WASHC4: variants seen among roughly 807,000 people sequenced by gnomAD.
WASHC4 encodes the protein WASH complex subunit 4.
A neutral mutation model predicts 166.6 loss-of-function variants in WASHC4; 86 were observed. That is an observed-to-expected ratio of 0.52 (90% CI 0.43 to 0.62). The LOEUF (loss-of-function observed/expected upper bound fraction) is 0.62, where lower values mean the gene tolerates loss of function less well. WASHC4 is among the 20% of genes least tolerant of loss of function. The pLI is 0.00. For missense variants in WASHC4, 1,262 were observed against 1,382.4 expected (o/e 0.91, Z 1.38); for synonymous variants, 446 against 451.6 (o/e 0.99, Z 0.16).
Position 105,168,222 on chromosome 12 carries a change from G to T in WASHC4, c.*1291G>T, listed in dbSNP as rs1884907477. 6.6e-6 allele frequency: 1 copy of T among 152,328 alleles called. No homozygotes were observed. The highest frequency in any genetic ancestry group is 1.5e-5 in the Non-Finnish European group (1 of 67,930). 9.4% of individuals were successfully genotyped at this position (152,328 alleles called of 1,614,324 possible). The stretch of plus-strand genomic sequence containing the variant: ...GCCCTGTTTGTACTTACTGGTTAGG[G>T]TCAGGGTAACTTGCCAGCCCAAGAT... On this transcript the variant is annotated 3_prime_UTR_variant, in exon 33 of 33. Coordinates refer to ENST00000332180, the MANE Select transcript of WASHC4 (RefSeq NM_015275.3).
intron 1 of WASHC4, among the ~76,000 whole-genome samples, chr12:105,109,051 G>T (rs1281038018): frequency 3.9e-5 from 6 of 152,126 alleles, no homozygotes; most frequent in Admixed American, 6.5e-5. Flanking sequence ...CAGGAGAATC[G>T]CTTGAACCCG....
chr12:105,151,145 C>CAAAA (rs34655671), intron 25 of WASHC4, among the ~76,000 whole-genome samples: 8 of 60,998 alleles, frequency 1.3e-4, no homozygotes, highest in South Asian at 9.1e-4. Flanking sequence ...GACTCTGTCT[C>CAAAA]AAAAAAAAAA....
intron 31 of WASHC4, 70 bp from the exon 32 acceptor site, chr12:105,164,571 G>A: frequency 9.5e-7 from 1 of 1,056,826 alleles, no homozygotes. Context: ...GCATAAAAAT[G>A]CATATATTTT....
rs1884671513 is a variant in WASHC4 at position 105,164,245 on chromosome 12, C to G, written c.3292C>G (p.Gln1098Glu). ...GCAACAGAATGTACAGTCAGCCAGT[C>G]AAGATGAAAAACTCTTACAAACCAT... ...AKQQNVQSAS[Q>E]DEKLLQTMNL... The change falls in exon 31 of 33, where the codon CAA becomes GAA. Residue 1098 changes from glutamine to glutamate, a missense_variant. Coordinates refer to ENST00000332180, the MANE Select transcript of WASHC4 (RefSeq NM_015275.3). 6.2e-7 allele frequency: 1 copy of G among 1,613,492 alleles called. No individual in the cohort carries two copies. The highest frequency in any genetic ancestry group is 8.5e-7 in the Non-Finnish European group (1 of 1,179,686).
rs768574664 is a variant in WASHC4 at position 105,160,129 on chromosome 12, A to T, written c.3041A>T (p.Tyr1014Phe). 3 of 1,613,678 alleles carry T rather than the reference A, an allele frequency of 1.9e-6. No individual in the cohort carries two copies. The highest frequency in any genetic ancestry group is 1.3e-5 in the African/African-American group (1 of 74,930). The change falls in exon 29 of 33, where the codon TAT (tyrosine) becomes TTT (phenylalanine). Residue 1014 changes from tyrosine (Y) to phenylalanine (F), a missense_variant. Coordinates refer to ENST00000332180, the MANE Select transcript of WASHC4 (RefSeq NM_015275.3). ...RPKNIHLRNF[Y>F]IIVPPLTLNF... ...AAGAATATACATCTCCGAAATTTCTATATAATTGTTCCCCCTCTGGTGAGT... is the reference window on the plus strand; with the variant it reads ...AAGAATATACATCTCCGAAATTTCTTTATAATTGTTCCCCCTCTGGTGAGT...
At chr12:105,120,320 C>G (rs985697412) in intron 7 of WASHC4, among the ~76,000 whole-genome samples, 1 of 152,116 alleles carries the variant, frequency 6.6e-6, no homozygotes, top group African/African-American at 2.4e-5. Context: ...TAGGTTGGTG[C>G]AAGAATTATT....
At chr12:105,115,766 A>G (rs368524839) in intron 6 of WASHC4, 38 bp downstream of exon 6, 5 of 1,334,828 alleles carry the variant, frequency 3.7e-6, no homozygotes, top group Non-Finnish European at 4.3e-6. Context: ...TTTTACTTCA[A>G]AAAGTTTGAG....
In WASHC4 at chr12:105,164,228, A is replaced by G; in HGVS notation, c.3275A>G (p.Asn1092Ser). ...KEIRAVAKQQ[N>S]VQSASQDEKL... ...ATAAGAGCAGTTGCTAAGCAACAGA[A>G]TGTACAGTCAGCCAGTCAAGATGAA... Residue 1092 changes from asparagine to serine, a missense_variant, in exon 31 of 33, where the codon AAT becomes AGT. By Grantham distance (46) the Asn-to-Ser change is conservative. Coordinates refer to ENST00000332180, the MANE Select transcript of WASHC4 (RefSeq NM_015275.3). 7 of 1,614,102 alleles carry G rather than the reference A, an allele frequency of 4.3e-6. No homozygotes were observed. The highest frequency in any genetic ancestry group is 5.9e-6 in the Non-Finnish European group (7 of 1,179,958).
rs1883119649 is a variant in WASHC4 at position 105,144,395 on chromosome 12, C to T, written c.2119C>T (p.Leu707=). 6.2e-7 allele frequency: 1 copy of T among 1,613,428 alleles called. No individual in the cohort carries two copies. The highest frequency in any genetic ancestry group is 8.5e-7 in the Non-Finnish European group (1 of 1,179,544). ...RNPFKVGMKD[L]ALFFSLNPIR... ...CCCTTTCAAAGTTGGCATGAAAGAC[C>T]TGGCTCTTTTTTTCTCTCTGAATCC... The change falls in exon 21 of 33, where the codon CTG becomes TTG. Residue 707 remains leucine (L), a synonymous_variant. Transcript: ENST00000332180.
chr12:105,118,003 A>G (rs1052520667), intron 6 of WASHC4, among the ~76,000 whole-genome samples: 1 of 151,942 alleles, frequency 6.6e-6, no homozygotes, highest in Non-Finnish European at 1.5e-5. Context: ...ACTTCTGGAA[A>G]CCCCTTCCTG....
In WASHC4 at chr12:105,118,535, G is replaced by T. The variant is rs780753297; in HGVS notation, c.518+7G>T. On this transcript the variant is annotated splice_region_variant and intron_variant, in intron 7 of 32. Coordinates refer to ENST00000332180, the MANE Select transcript of WASHC4 (RefSeq NM_015275.3). ...CCCTCTATATCAGTAACAAGTAATG[G>T]ATTTTAGAAATATTTTTGCTTTTAT... The T allele has an allele frequency of 6.4e-7, 1 of 1,556,338 alleles. No individual in the cohort carries two copies. The highest frequency in any genetic ancestry group is 1.7e-5 in the Admixed American group (1 of 59,952).
At chr12:105,136,154 A>G (rs569808560) in intron 14 of WASHC4, among the ~76,000 whole-genome samples, 2 of 152,248 alleles carry the variant, frequency 1.3e-5, no homozygotes. Flanking sequence ...TTGGGGGGTT[A>G]TCCTTCAGGA....
At chr12:105,140,845 T>C in intron 16 of WASHC4, 54 bp from the exon 17 acceptor site, 1 of 1,548,462 alleles carries the variant, frequency 6.5e-7, no homozygotes, top group Non-Finnish European at 8.9e-7. Flanking sequence ...GTTTTTCTTC[T>C]GAGTCTTTTG....
At chr12:105,118,365 G>C (rs1002111453) in intron 6 of WASHC4, 81 bp from the exon 7 acceptor site, 2 of 997,662 alleles carry the variant, frequency 2.0e-6, no homozygotes, top group Non-Finnish European at 3.2e-6. Context: ...GTTTTTGTTA[G>C]AGTTGTTACC....
At chr12:105,131,824 C>T (rs1220855766) in intron 13 of WASHC4, among the ~76,000 whole-genome samples, 1 of 152,220 alleles carries the variant, frequency 6.6e-6, no homozygotes, top group African/African-American at 2.4e-5. Context: ...TGTTTTTCGT[C>T]TAATGGAATT....
intron 18 of WASHC4, among the ~76,000 whole-genome samples, 187 bp downstream of exon 18, chr12:105,141,433 A>G (rs1199072096): frequency 6.6e-6 from 1 of 152,240 alleles, no homozygotes; most frequent in African/African-American, 2.4e-5. Flanking sequence ...TTGCTTCTAC[A>G]GGAAGCATGT....
At chr12:105,108,922 C>T (rs114356921) in intron 1 of WASHC4, among the ~76,000 whole-genome samples, 5 of 152,080 alleles carry the variant, frequency 3.3e-5, no homozygotes, top group Non-Finnish European at 5.9e-5. Flanking sequence ...CAAAACATTC[C>T]TGAGGTCAGG....
chr12:105,144,618 C>T (rs1412059077), intron 21 of WASHC4, 100 bp from the exon 22 acceptor site: 1 of 1,193,934 alleles, frequency 8.4e-7, no homozygotes, highest in Non-Finnish European at 1.2e-6. Context: ...TTTAAAGGAA[C>T]AAATCTGATG....
At chr12:105,125,532 G>A (rs1047917099) in intron 10 of WASHC4, among the ~76,000 whole-genome samples, 7 of 152,118 alleles carry the variant, frequency 4.6e-5, no homozygotes, top group Admixed American at 1.3e-4. Context: ...ATGTTTAAGC[G>A]TCAACTATAT....
Sources: allele counts gnomAD v4.1 joint callset (sites outside exome capture counted in the v4.1 genomes callset), GRCh38; gene constraint gnomAD v4.1.1; transcripts MANE v1.5; gene names NCBI Gene and HGNC (gene_info 2026-07-23, HGNC 2026-07-21).